The following LRRC1 variants were observed in gnomAD, a reference collection of about 807,000 sequenced individuals.
The protein encoded by LRRC1 is leucine rich repeat containing 1, also known as leucine-rich repeat-containing protein 1.
In LRRC1, 28 loss-of-function variants were observed where a neutral mutation model predicts 69.9. That is an observed-to-expected ratio of 0.40 (90% CI 0.30 to 0.55). The LOEUF (loss-of-function observed/expected upper bound fraction) is 0.55, where lower values mean the gene tolerates loss of function less well. Ranked by LOEUF, LRRC1 falls within the 20% of genes least tolerant of loss-of-function variation. The pLI is 0.47. For synonymous variants in LRRC1, 236 were observed against 240.2 expected, an observed-to-expected ratio of 0.98 and a Z score of 0.16; for missense variants, 498 against 609.0, an observed-to-expected ratio of 0.82 and a Z score of 1.92.
intron 2 of LRRC1, among the ~76,000 whole-genome samples, chr6:53,853,130 G>C (rs895592976): frequency 3.2e-4 from 48 of 151,986 alleles, no homozygotes; most frequent in African/African-American, 1.1e-3. Flanking sequence ...TTTTATAAAG[G>C]CACTAATCCC....
intron 2 of LRRC1, among the ~76,000 whole-genome samples, chr6:53,849,843 G>A (rs1341267544): frequency 2.6e-5 from 4 of 152,152 alleles, no homozygotes; most frequent in African/African-American, 7.2e-5. Context: ...TGTTGTCCCA[G>A]CTACTTGGGA....
chr6:53,901,946 A>G (rs1311817882), intron 8 of LRRC1, among the ~76,000 whole-genome samples: 5 of 152,168 alleles, frequency 3.3e-5, no homozygotes, highest in South Asian at 2.1e-4. Context: ...GAAAGTGTCA[A>G]TGTGTTAGCC....
rs557941262 is a variant in LRRC1 at position 53,815,656 on chromosome 6, C to T, written c.159+20241C>T. Among the ~76,000 whole-genome samples the T allele has an allele frequency of 5.0e-4, 76 of 152,216 alleles. 3 individuals carry two copies. The South Asian group carries it at 0.015, about 31-fold the overall frequency. On this transcript the variant is annotated intron_variant, in intron 1 of 13. Transcript: ENST00000370888. ...TCCAGACTGTAAGATTTGGTCTGTT[C>T]ATGTTGAGTCTGTAGGGAATTTAGG...
chr6:53,804,137 T>C (rs1362044366), intron 1 of LRRC1, among the ~76,000 whole-genome samples: 1 of 152,110 alleles, frequency 6.6e-6, no homozygotes, highest in African/African-American at 2.4e-5. Flanking sequence ...ATTATGAGAG[T>C]AGTGTGTGTT....
At chr6:53,909,121 G>A (rs1041779765) in intron 10 of LRRC1, among the ~76,000 whole-genome samples, 11 of 151,394 alleles carry the variant, frequency 7.3e-5, no homozygotes, top group African/African-American at 2.7e-4. Flanking sequence ...CATTATACAT[G>A]GGAGCAGGCA....
chr6:53,864,086 C>A (rs1321827691), intron 2 of LRRC1, among the ~76,000 whole-genome samples: 3 of 152,118 alleles, frequency 2.0e-5, no homozygotes, highest in Non-Finnish European at 2.9e-5. Flanking sequence ...CTTGTCCTCT[C>A]AAAGATGACC....
chr6:53,911,080 T>G (rs1768394148), intron 10 of LRRC1, among the ~76,000 whole-genome samples: 3 of 152,168 alleles, frequency 2.0e-5, no homozygotes, highest in Admixed American at 2.0e-4. Context: ...GATCAGGAGG[T>G]CACACTGCCT....
chr6:53,866,065 C>T (rs1766693869), intron 2 of LRRC1, among the ~76,000 whole-genome samples: 1 of 152,038 alleles, frequency 6.6e-6, no homozygotes, highest in Non-Finnish European at 1.5e-5. Flanking sequence ...ATATTTCCTT[C>T]CTCTGGTTTG....
intron 10 of LRRC1, among the ~76,000 whole-genome samples, chr6:53,906,207 G>A (rs1768231708): frequency 6.6e-6 from 1 of 152,124 alleles, no homozygotes; most frequent in Non-Finnish European, 1.5e-5. Flanking sequence ...TTTCTTACTA[G>A]GGCTCACACA....
intron 2 of LRRC1, among the ~76,000 whole-genome samples, chr6:53,847,589 G>A (rs1765988036): frequency 6.6e-6 from 1 of 152,202 alleles, no homozygotes; most frequent in African/African-American, 2.4e-5. Context: ...CATCAGGACA[G>A]CACTGCAGAC....
Position 53,923,161 on chromosome 6 carries a change from C to G in LRRC1, c.*368C>G, listed in dbSNP as rs1419115181. On this transcript the variant is annotated 3_prime_UTR_variant, in exon 14 of 14. Transcript: ENST00000370888. ...GGATATTTTGAATCCCCCAAGTTCC[C>G]TTGGACCTACTGATGAGAGATAGTT... The G allele has an allele frequency of 1.8e-5, 3 of 171,188 alleles. No individual in the cohort carries two copies. The highest frequency in any genetic ancestry group is 7.1e-5 in the African/African-American group (3 of 42,248). The allele number at this position is 171,188 out of a possible 1,614,324, so 10.6% of individuals were successfully genotyped here.
intron 1 of LRRC1, among the ~76,000 whole-genome samples, chr6:53,821,034 A>G (rs1472273024): frequency 6.6e-6 from 1 of 152,232 alleles, no homozygotes; most frequent in Non-Finnish European, 1.5e-5. Flanking sequence ...ATTATTCCAG[A>G]GAGCACTTAT....
chr6:53,846,702 G>C (rs1192776766), intron 2 of LRRC1, among the ~76,000 whole-genome samples: 1 of 152,192 alleles, frequency 6.6e-6, no homozygotes, highest in Non-Finnish European at 1.5e-5. Flanking sequence ...ATCTGAATTT[G>C]CTGGTAACAT....
At chr6:53,818,896 T>C (rs1435030065) in intron 1 of LRRC1, among the ~76,000 whole-genome samples, 1 of 152,178 alleles carries the variant, frequency 6.6e-6, no homozygotes, top group Non-Finnish European at 1.5e-5. Context: ...GCATAGGAAC[T>C]CATGTAGAGC....
rs867201646 is a variant in LRRC1 at position 53,883,858 on chromosome 6, A to T, written c.446+882A>T. 5.6e-6 allele frequency: 4 copies of T among 713,568 alleles called. No individual in the cohort carries two copies. The South Asian group carries it at 6.0e-5, about 11-fold the overall frequency. 44.2% of individuals were successfully genotyped at this position (713,568 alleles called of 1,614,324 possible). A position where few individuals can be genotyped will look rare whatever the true frequency, so the allele number is the denominator to read the frequency against. On this transcript the variant is annotated intron_variant, in intron 4 of 13. Transcript: ENST00000370888. ...AGAACCACAGTAAGCAGTTGAGCAC[A>T]GTCTGACATGTCTGTTTTGCAAAAG... is the stretch of plus-strand genomic sequence containing the variant.
intron 13 of LRRC1, among the ~76,000 whole-genome samples, chr6:53,921,872 C>T (rs932713645): frequency 2.6e-5 from 4 of 152,168 alleles, no homozygotes; most frequent in Admixed American, 6.5e-5. Flanking sequence ...CTCTTTAATG[C>T]TTACCTCAAG....
chr6:53,888,340 TAAAC>T (rs1767561563), intron 4 of LRRC1, among the ~76,000 whole-genome samples: 1 of 152,184 alleles, frequency 6.6e-6, no homozygotes, highest in Non-Finnish European at 1.5e-5. Context: ...ATATCAGCAT[TAAAC>T]AATTCTATTT....
intron 2 of LRRC1, among the ~76,000 whole-genome samples, chr6:53,871,770 C>A (rs1449298791): frequency 6.6e-6 from 1 of 152,076 alleles, no homozygotes; most frequent in Non-Finnish European, 1.5e-5. Context: ...CAGGTTCAAG[C>A]GATTCTCCCG....
At chr6:53,890,532 CTATAT>C (rs778613291) in intron 4 of LRRC1, among the ~76,000 whole-genome samples, 61 of 152,194 alleles carry the variant, frequency 4.0e-4, no homozygotes, top group Non-Finnish European at 3.5e-4. Flanking sequence ...GGCAGCTTAC[CTATAT>C]TATAAGTGCA....
Sources: gnomAD v4.1 joint callset for allele counts (sites outside exome capture counted in the v4.1 genomes callset) on GRCh38, gnomAD v4.1.1 for gene constraint, MANE v1.5 for transcripts, NCBI Gene and HGNC (gene_info 2026-07-23, HGNC 2026-07-21) for gene names.